LDLRAD4: variants seen among roughly 807,000 people sequenced by gnomAD.
LDLRAD4 encodes low-density lipoprotein receptor class A domain-containing protein 4.
In LDLRAD4, 5 loss-of-function variants were observed where a neutral mutation model predicts 17.0. The ratio of observed to expected loss-of-function variants is 0.29; its 90% CI spans 0.15 to 0.62. The LOEUF (loss-of-function observed/expected upper bound fraction) is 0.62. LDLRAD4 is among the 20% of genes least tolerant of loss of function. The pLI is 0.84. For missense variants in LDLRAD4, 340 were observed against 424.7 expected, an observed-to-expected ratio of 0.80 and a Z score of 1.75; for synonymous variants, 168 against 171.8, an observed-to-expected ratio of 0.98 and a Z score of 0.17.
intron 3 of LDLRAD4, among the ~76,000 whole-genome samples, chr18:13,519,076 A>C (rs1425835605): frequency 6.6e-6 from 1 of 152,184 alleles, no homozygotes; most frequent in African/African-American, 2.4e-5. Context: ...TGGAAGCTCA[A>C]ATTCATTGCT....
At chr18:13,472,351 C>T (rs1041584480) in intron 3 of LDLRAD4, 8 of 152,256 alleles carry the variant, frequency 5.3e-5, no homozygotes, top group Non-Finnish European at 1.2e-4. Flanking sequence ...GCCCACGAGC[C>T]AGCAGATAAA....
At chr18:13,500,685 GAGAA>G (rs2093599352) in intron 3 of LDLRAD4, 2 of 152,198 alleles carry the variant, frequency 1.3e-5, no homozygotes, top group South Asian at 4.1e-4. Flanking sequence ...AGTAACAATG[GAGAA>G]AATCTACATC....
chr18:13,458,648 G>C (rs141770659), intron 3 of LDLRAD4, among the ~76,000 whole-genome samples: 3 of 152,188 alleles, frequency 2.0e-5, no homozygotes, highest in African/African-American at 7.2e-5. Context: ...ACTAGCAAAA[G>C]GGACTTTACA....
chr18:13,230,463 T>C (rs990280009), intron 1 of LDLRAD4, among the ~76,000 whole-genome samples: 1 of 152,216 alleles, frequency 6.6e-6, no homozygotes, highest in African/African-American at 2.4e-5. Context: ...TTTCAAACTT[T>C]GTATATTATG....
intron 3 of LDLRAD4, among the ~76,000 whole-genome samples, chr18:13,594,465 G>A (rs888073969): frequency 2.6e-5 from 4 of 151,856 alleles, no homozygotes; most frequent in African/African-American, 2.4e-5. Context: ...CAAGGCGGAC[G>A]GATCACTTAA....
intron 1 of LDLRAD4, among the ~76,000 whole-genome samples, chr18:13,226,402 A>G (rs2041807358): frequency 6.6e-6 from 1 of 151,812 alleles, no homozygotes; most frequent in Non-Finnish European, 1.5e-5. Context: ...TCCTCCAAAA[A>G]TATTGCCAGA....
intron 3 of LDLRAD4, among the ~76,000 whole-genome samples, chr18:13,529,660 G>T (rs2094096630): frequency 6.6e-6 from 1 of 152,214 alleles, no homozygotes; most frequent in African/African-American, 2.4e-5. Context: ...AACCCCTCCA[G>T]TGTGAAAAAC....
chr18:13,480,334 G>A (rs1456673627), intron 3 of LDLRAD4, among the ~76,000 whole-genome samples: 2 of 152,204 alleles, frequency 1.3e-5, no homozygotes, highest in Non-Finnish European at 2.9e-5. Flanking sequence ...TACGTACAGT[G>A]TGAGTCCAAC....
chr18:13,231,053 G>A (rs1320491179), intron 1 of LDLRAD4, among the ~76,000 whole-genome samples: 1 of 152,192 alleles, frequency 6.6e-6, no homozygotes, highest in Non-Finnish European at 1.5e-5. Flanking sequence ...TTGTAATCTG[G>A]TGAAGCTCAT....
intron 2 of LDLRAD4, chr18:13,420,329 C>G (rs1247317486): frequency 6.6e-6 from 1 of 151,878 alleles, no homozygotes; most frequent in Non-Finnish European, 1.5e-5. Context: ...TACATTGATG[C>G]TGTTGCTCCT....
At chr18:13,228,257 G>A (rs547768112) in intron 1 of LDLRAD4, among the ~76,000 whole-genome samples, 1 of 152,294 alleles carries the variant, frequency 6.6e-6, no homozygotes, top group African/African-American at 2.4e-5. Flanking sequence ...TGGTCTGGCC[G>A]GTGGGGTCCC....
chr18:13,376,165 G>T (rs760428980), intron 1 of LDLRAD4, among the ~76,000 whole-genome samples: 2 of 152,194 alleles, frequency 1.3e-5, no homozygotes, highest in Non-Finnish European at 2.9e-5. Flanking sequence ...AGGCTGTGCG[G>T]GCACTGGCCT....
At position 13,371,680 on chromosome 18, in the gene LDLRAD4, G is replaced by A. The variant is rs185847177; in HGVS notation, c.-382-15661G>A. ...CTTGGGAGGCTGAGGCAGGAGAATC[G>A]CCTGAACCCGAGAGGCGGAGGTTGC... On this transcript the variant is annotated intron_variant, in intron 1 of 5. Coordinates refer to ENST00000359446, the Ensembl canonical transcript of LDLRAD4. Among the ~76,000 whole-genome samples, 68 of 152,042 alleles carry A rather than the reference G, an allele frequency of 4.5e-4. No homozygotes were observed. In the East Asian group the frequency reaches 6.4e-3, roughly 14 times the overall value.
At position 13,325,907 on chromosome 18, in the gene LDLRAD4, C is replaced by T. The variant is rs569247428; in HGVS notation, c.-383+47719C>T. Among the ~76,000 whole-genome samples the T allele has an allele frequency of 3.9e-5, 6 of 152,220 alleles. No individual in the cohort carries two copies. The East Asian group carries it at 9.7e-4, about 25-fold the overall frequency. ...AGCCGGGACTACAGGTGCCCGCCAC[C>T]GTGCCTGCCACCACGCGGAGCTAAT... is the stretch of plus-strand genomic sequence containing the variant. On this transcript the variant is annotated intron_variant, in intron 1 of 5. Transcript: ENST00000359446.
Position 13,311,170 on chromosome 18 carries a change from G to A in LDLRAD4, c.-383+32982G>A, listed in dbSNP as rs181635279. Among the ~76,000 whole-genome samples the A allele has an allele frequency of 8.5e-5, 13 of 152,316 alleles. No individual in the cohort carries two copies. In the East Asian group the frequency reaches 2.3e-3, roughly 27 times the overall value. On this transcript the variant is annotated intron_variant, in intron 1 of 5. Transcript: ENST00000359446. The stretch of plus-strand genomic sequence containing the variant: ...CCATTCAGCTGTTGAGTCCATGAGA[G>A]CTTACTGGGTGCTTCTGAGTACCAG...
At chr18:13,433,754 C>A (rs1409462194) in intron 2 of LDLRAD4, among the ~76,000 whole-genome samples, 1 of 152,110 alleles carries the variant, frequency 6.6e-6, no homozygotes, top group Non-Finnish European at 1.5e-5. Context: ...TATTCCATTT[C>A]CCCCCTAGTT....
At chr18:13,444,766 C>T (rs1254798413) in intron 3 of LDLRAD4, among the ~76,000 whole-genome samples, 1 of 152,174 alleles carries the variant, frequency 6.6e-6, no homozygotes, top group East Asian at 1.9e-4. Context: ...GGGCATGGCC[C>T]TGTAAATATT....
intron 3 of LDLRAD4, among the ~76,000 whole-genome samples, chr18:13,530,330 C>T (rs992142187): frequency 6.6e-6 from 1 of 152,198 alleles, no homozygotes; most frequent in African/African-American, 2.4e-5. Flanking sequence ...TAAAAGATGG[C>T]CTCCTCCTTT....
chr18:13,564,802 G>C (rs1222222904), intron 3 of LDLRAD4, among the ~76,000 whole-genome samples: 1 of 152,152 alleles, frequency 6.6e-6, no homozygotes, highest in Admixed American at 6.5e-5. Context: ...TGGCTGGTCG[G>C]GGGTCATTCA....
Sources: gnomAD v4.1 joint callset for allele counts (sites outside exome capture counted in the v4.1 genomes callset) on GRCh38, gnomAD v4.1.1 for gene constraint, MANE v1.5 for transcripts, NCBI Gene and HGNC (gene_info 2026-07-23, HGNC 2026-07-21) for gene names.